The following SNTG2 variants were observed in gnomAD, a reference collection of about 807,000 sequenced individuals.
SNTG2 encodes syntrophin gamma 2.
Under a neutral mutation model 70.9 loss-of-function variants are expected in SNTG2, and 74 were observed. That is an observed-to-expected ratio of 1.04 (90% CI 0.86 to 1.27). SNTG2 has a LOEUF of 1.27. Ranked by LOEUF, SNTG2 falls within the 50% of genes most tolerant of loss-of-function variation. The probability of loss-of-function intolerance (pLI) is 0.00; values close to 1 mark genes in which losing one functional copy is unlikely to be tolerated. For missense variants in SNTG2, 717 were observed against 690.7 expected (o/e 1.04, Z -0.43); for synonymous variants, 278 against 273.8 (o/e 1.02, Z -0.15).
intron 16 of SNTG2, among the ~76,000 whole-genome samples, chr2:1,367,058 A>C (rs1294322700): frequency 6.6e-6 from 1 of 152,224 alleles, no homozygotes; most frequent in Non-Finnish European, 1.5e-5. Flanking sequence ...GATGCAAAAT[A>C]AAGGAAGTGA....
chr2:1,286,484 G>A (rs1679770571), intron 14 of SNTG2, among the ~76,000 whole-genome samples: 2 of 152,152 alleles, frequency 1.3e-5, no homozygotes, highest in African/African-American at 4.8e-5. Context: ...ATGAGCATGA[G>A]CCTACTGCCA....
chr2:1,353,348 T>C lies in SNTG2; in HGVS notation c.1489-13995T>C, dbSNP rs1440333930. Among the ~76,000 whole-genome samples the C allele has an allele frequency of 6.6e-6, 1 of 152,160 alleles. No individual in the cohort carries two copies. Among genetic ancestry groups the C allele is most frequent in the Non-Finnish European group, 1.5e-5 (1 of 68,028 alleles). On this transcript the variant is annotated intron_variant, in intron 16 of 16. Transcript: ENST00000308624. The surrounding 1 kb of genome is among the most constrained non-coding windows in gnomAD (Gnocchi z 4.2). ...ATAAGGAAGTGCCTGGGGCCCTGGC[T>C]TGGACTCTCTGCAGCACCGCAAGTG...
intron 14 of SNTG2, among the ~76,000 whole-genome samples, chr2:1,307,136 G>A (rs527890357): frequency 6.7e-6 from 1 of 148,986 alleles, no homozygotes; most frequent in African/African-American, 2.5e-5. Context: ...TGCTCTGTGT[G>A]TGTGGTGGGA....
At chr2:1,233,122 G>T (rs962690438) in intron 9 of SNTG2, among the ~76,000 whole-genome samples, 1 of 152,182 alleles carries the variant, frequency 6.6e-6, no homozygotes, top group Non-Finnish European at 1.5e-5. Flanking sequence ...TTAAAAACTG[G>T]ACAGCTTATT....
At chr2:1,163,262 G>A (rs1670455299) in intron 6 of SNTG2, 1 of 151,926 alleles carries the variant, frequency 6.6e-6, no homozygotes, top group Non-Finnish European at 1.5e-5. Flanking sequence ...CCAACAGGAA[G>A]TAGGCACGTG....
intron 16 of SNTG2, chr2:1,341,420 AAGGAGGAGTG>A (rs1395740700): frequency 6.6e-6 from 1 of 152,176 alleles, no homozygotes; most frequent in Non-Finnish European, 1.5e-5. Flanking sequence ...TCCTCACAGA[AAGGAGGAGTG>A]GGGTTGCTCA....
At chr2:1,228,037 T>C (rs1374535585) in intron 9 of SNTG2, among the ~76,000 whole-genome samples, 1 of 152,186 alleles carries the variant, frequency 6.6e-6, no homozygotes, top group Non-Finnish European at 1.5e-5. Flanking sequence ...TTTCTGCGAC[T>C]CAAGGCTGGG....
intron 16 of SNTG2, among the ~76,000 whole-genome samples, chr2:1,340,245 G>A (rs772751203): frequency 2.0e-5 from 3 of 152,190 alleles, no homozygotes; most frequent in Non-Finnish European, 4.4e-5. Flanking sequence ...TTAAAGAACC[G>A]AGATGCCGGT....
At chr2:1,366,623 C>G (rs1028824686) in intron 16 of SNTG2, among the ~76,000 whole-genome samples, 2 of 152,206 alleles carry the variant, frequency 1.3e-5, no homozygotes, top group Non-Finnish European at 1.5e-5. Flanking sequence ...CCTGCTCTCC[C>G]GTAGCCATGG....
At chr2:1,084,309 T>C (rs1299849413) in intron 2 of SNTG2, among the ~76,000 whole-genome samples, 1 of 152,196 alleles carries the variant, frequency 6.6e-6, no homozygotes, top group East Asian at 1.9e-4. Context: ...GAGGTGCAGA[T>C]GTTAGCAAAG....
rs28497055 is a variant in SNTG2 at position 1,232,324 on chromosome 2, G to A, written c.720-5564G>A. Among the ~76,000 whole-genome samples the A allele has an allele frequency of 9.4e-3, 1,422 of 151,840 alleles. 17 individuals are homozygous for A. Among genetic ancestry groups the A allele is most frequent in the African/African-American group, 0.032 (1,308 of 41,388 alleles). On this transcript the variant is annotated intron_variant, in intron 9 of 16. Transcript: ENST00000308624. ...AAAATGACTTTTTTTTTTCCCCTGA[G>A]ACGGAGACTTAGTTGCCCAGGCCAG... is the stretch of plus-strand genomic sequence containing the variant.
chr2:1,252,116 G>T (rs927330580), intron 12 of SNTG2, among the ~76,000 whole-genome samples: 2 of 152,196 alleles, frequency 1.3e-5, no homozygotes, highest in African/African-American at 4.8e-5. Context: ...GAGGCTGCAG[G>T]AACCGTGAGT....
At position 1,321,390 on chromosome 2, in the gene SNTG2, G is replaced by A. The variant is rs140704769; in HGVS notation, c.1488+5015G>A. Among the ~76,000 whole-genome samples the A allele has an allele frequency of 6.6e-3, 1,011 of 152,132 alleles. 6 individuals are homozygous for A. The highest frequency in any genetic ancestry group is 0.023 in the African/African-American group (939 of 41,494). On this transcript the variant is annotated intron_variant, in intron 16 of 16. Transcript: ENST00000308624. ...GAGAGTAAACCCCACTGAAAATTAC[G>A]CCTCTGCCATCAATGAGTCAGCCGA...
intron 11 of SNTG2, among the ~76,000 whole-genome samples, chr2:1,240,752 C>A (rs1467839430): frequency 6.6e-6 from 1 of 152,184 alleles, no homozygotes; most frequent in Non-Finnish European, 1.5e-5. Context: ...CTCTAGTCAA[C>A]ATTTCTACAT....
intron 14 of SNTG2, among the ~76,000 whole-genome samples, chr2:1,275,795 C>T (rs1448961758): frequency 1.3e-5 from 2 of 152,208 alleles, no homozygotes; most frequent in Non-Finnish European, 2.9e-5. Flanking sequence ...CAGGTCAAAA[C>T]CTTCTTGTGC....
intron 1 of SNTG2, among the ~76,000 whole-genome samples, chr2:970,274 AT>A (rs1361439485): frequency 2.0e-5 from 3 of 151,832 alleles, no homozygotes; most frequent in African/African-American, 7.3e-5. Flanking sequence ...ATATTTGAGG[AT>A]TTTTTTTAAT....
chr2:1,152,789 CTTAAAG>C (rs1220599996), intron 6 of SNTG2, among the ~76,000 whole-genome samples: 3 of 152,156 alleles, frequency 2.0e-5, no homozygotes, highest in Admixed American at 2.0e-4. Flanking sequence ...ATTTCATTTA[CTTAAAG>C]TTAACTGATC....
At chr2:1,053,886 C>T (rs1200134468) in intron 1 of SNTG2, among the ~76,000 whole-genome samples, 2 of 151,976 alleles carry the variant, frequency 1.3e-5, no homozygotes, top group African/African-American at 4.8e-5. Context: ...ACCTCCTCTT[C>T]TCCCTTCCTC....
rs766026017 is a variant in SNTG2 at position 1,247,391 on chromosome 2, C to T, written c.953C>T (p.Pro318Leu). 2 of 1,613,934 alleles carry T rather than the reference C, an allele frequency of 1.2e-6. No homozygotes were observed. Among genetic ancestry groups the T allele is most frequent in the South Asian group, 1.1e-5 (1 of 91,072 alleles). The part of the protein sequence containing the change: ...QGADSSQTFR[P>L]KFLALKGPSF... ...GCTGACTCCTCTCAAACCTTCAGAC[C>T]CAAGTTCCTAGCACTGAAGGGCCCG... The change falls in exon 12 of 17, where the codon CCC becomes CTC. Residue 318 changes from proline to leucine, a missense_variant. Transcript: ENST00000308624.
Sources: gnomAD v4.1 joint callset for allele counts (sites outside exome capture counted in the v4.1 genomes callset) on GRCh38, gnomAD v4.1.1 for gene constraint, Gnocchi (gnomAD v3.1) non-coding constraint, MANE v1.5 for transcripts, NCBI Gene and HGNC (gene_info 2026-07-23, HGNC 2026-07-21) for gene names.